Variants in PDE4D observed in about 807,000 individuals in gnomAD.
PDE4D encodes phosphodiesterase 4D, also known as 3',5'-cyclic-AMP phosphodiesterase 4D.
Under a neutral mutation model 87.4 loss-of-function variants are expected in PDE4D, and 24 were observed. The ratio of observed to expected loss-of-function variants is 0.27; its 90% CI spans 0.20 to 0.39. The LOEUF (loss-of-function observed/expected upper bound fraction) is 0.39, where lower values mean the gene tolerates loss of function less well. Among genes scored for constraint, PDE4D ranks in the 10% least tolerant of loss-of-function variants. The probability of loss-of-function intolerance (pLI) is 1.00; values close to 1 mark genes in which losing one functional copy is unlikely to be tolerated. For synonymous variants in PDE4D, 384 were observed against 383.2 expected, an observed-to-expected ratio of 1.00 and a Z score of -0.02; for missense variants, 714 against 1,041.0, an observed-to-expected ratio of 0.69 and a Z score of 4.32.
chr5:60,086,778 T>C (rs919730513), intron 2 of PDE4D, among the ~76,000 whole-genome samples: 9 of 152,346 alleles, frequency 5.9e-5, no homozygotes, highest in African/African-American at 1.4e-4. Flanking sequence ...ATGGGAACCA[T>C]TGGGTATCCC....
At chr5:59,512,777 T>G (rs1385906820) in intron 1 of PDE4D, among the ~76,000 whole-genome samples, 1 of 152,108 alleles carries the variant, frequency 6.6e-6, no homozygotes. Context: ...CAAGTACAGA[T>G]AGAGACATTT....
intron 5 of PDE4D, among the ~76,000 whole-genome samples, chr5:59,104,586 T>G (rs1158840011): frequency 1.3e-5 from 2 of 152,110 alleles, no homozygotes; most frequent in Non-Finnish European, 2.9e-5. Context: ...GCAAGGAAAC[T>G]GCTTAAGAAA....
intron 1 of PDE4D, among the ~76,000 whole-genome samples, chr5:59,246,200 A>T (rs1378113570): frequency 6.6e-6 from 1 of 152,090 alleles, no homozygotes; most frequent in African/African-American, 2.4e-5. Flanking sequence ...TTTGAAGGAC[A>T]CAATGACATC....
chr5:60,476,231 A>G (rs1237544870), intron 1 of PDE4D, among the ~76,000 whole-genome samples: 2 of 152,222 alleles, frequency 1.3e-5, no homozygotes, highest in Non-Finnish European at 2.9e-5. Context: ...TGCATGTGAC[A>G]TAGCACCTAA....
chr5:59,354,538 T>C (rs1174671596), intron 1 of PDE4D, among the ~76,000 whole-genome samples: 1 of 152,174 alleles, frequency 6.6e-6, no homozygotes, highest in Non-Finnish European at 1.5e-5. Flanking sequence ...TGACTCATGG[T>C]GCATTTGAGG....
chr5:60,186,336 T>G (rs1300426302), intron 1 of PDE4D, among the ~76,000 whole-genome samples: 5 of 152,160 alleles, frequency 3.3e-5, no homozygotes, highest in African/African-American at 1.2e-4. Flanking sequence ...CCAGAGTAAT[T>G]GCCACTTGAA....
intron 1 of PDE4D, among the ~76,000 whole-genome samples, chr5:59,402,890 G>A (rs1790921610): frequency 6.6e-6 from 1 of 151,676 alleles, no homozygotes; most frequent in Non-Finnish European, 1.5e-5. Context: ...TCCCATTACA[G>A]TTATATAACA....
Position 59,209,252 on chromosome 5 carries a change from C to T in PDE4D, c.647+6525G>A, listed in dbSNP as rs184466946. On this transcript the variant is annotated intron_variant, in intron 2 of 14. Coordinates refer to ENST00000340635, the MANE Select transcript of PDE4D (RefSeq NM_001104631.2). ...CCAGGCTGGAGTGCAGTGGCTCAAT[C>T]GTGGCTCACTACAACCTCAACATCC... Among the ~76,000 whole-genome samples the T allele has an allele frequency of 6.9e-3, 1,043 of 152,108 alleles. 8 individuals carry two copies. Among genetic ancestry groups the T allele is most frequent in the Middle Eastern group, 0.031 (9 of 294 alleles).
chr5:59,301,462 T>A (rs2153560406), intron 1 of PDE4D, among the ~76,000 whole-genome samples: 1 of 152,262 alleles, frequency 6.6e-6, no homozygotes, highest in South Asian at 2.1e-4. Flanking sequence ...TATTTTAACG[T>A]GTAGAGATGA....
At chr5:59,539,910 G>A (rs996987550) in intron 1 of PDE4D, among the ~76,000 whole-genome samples, 1 of 152,074 alleles carries the variant, frequency 6.6e-6, no homozygotes, top group Non-Finnish European at 1.5e-5. Context: ...GTCATTTTAA[G>A]AGAAACAGAA....
chr5:59,479,697 CAT>C (rs1803918704), intron 1 of PDE4D, among the ~76,000 whole-genome samples: 1 of 152,058 alleles, frequency 6.6e-6, no homozygotes, highest in Non-Finnish European at 1.5e-5. Flanking sequence ...GTTGAATATA[CAT>C]ATATGTGTAT....
At chr5:59,424,743 T>C (rs1278377172) in intron 1 of PDE4D, among the ~76,000 whole-genome samples, 4 of 152,112 alleles carry the variant, frequency 2.6e-5, no homozygotes, top group Non-Finnish European at 5.9e-5. Flanking sequence ...TAATTAAAGA[T>C]GAGATGTGGG....
intron 2 of PDE4D, among the ~76,000 whole-genome samples, chr5:59,206,739 A>G (rs1314556411): frequency 6.6e-6 from 1 of 152,182 alleles, no homozygotes; most frequent in Non-Finnish European, 1.5e-5. Context: ...TATTTTCCAA[A>G]CGAGTAAAAC....
chr5:59,444,887 G>A (rs2153637720), intron 1 of PDE4D, among the ~76,000 whole-genome samples: 1 of 152,250 alleles, frequency 6.6e-6, no homozygotes, highest in Non-Finnish European at 1.5e-5. Context: ...TTCAGATGGG[G>A]CAAGCATTCT....
chr5:59,398,473 CA>C (rs1394504059), intron 1 of PDE4D, among the ~76,000 whole-genome samples: 3 of 132,556 alleles, frequency 2.3e-5, no homozygotes, highest in Admixed American at 2.3e-4. Context: ...GAGCCAAAGA[CA>C]AAAACCACAT....
intron 1 of PDE4D, among the ~76,000 whole-genome samples, chr5:59,400,612 T>A (rs1373015345): frequency 6.8e-6 from 1 of 146,342 alleles, no homozygotes; most frequent in Non-Finnish European, 1.5e-5. Flanking sequence ...AGGGATAGCA[T>A]TGGGAGATAT....
chr5:58,983,216 G>A (rs1448646343), intron 11 of PDE4D, among the ~76,000 whole-genome samples: 3 of 152,324 alleles, frequency 2.0e-5, no homozygotes, highest in East Asian at 1.9e-4. Context: ...TGCGTATCAC[G>A]CAGAACCATC....
At chr5:60,023,514 C>A (rs1766297446) in intron 2 of PDE4D, among the ~76,000 whole-genome samples, 1 of 152,090 alleles carries the variant, frequency 6.6e-6, no homozygotes, top group Admixed American at 6.6e-5. Context: ...CTAACAATGT[C>A]TTTTAAGCCT....
chr5:60,299,786 T>G (rs1753730562), intron 1 of PDE4D, among the ~76,000 whole-genome samples: 2 of 152,254 alleles, frequency 1.3e-5, no homozygotes, highest in Admixed American at 1.3e-4. Flanking sequence ...CATATTTTCT[T>G]TATCCAGTCT....
Sources: allele counts gnomAD v4.1 joint callset (sites outside exome capture counted in the v4.1 genomes callset), GRCh38; gene constraint gnomAD v4.1.1; transcripts MANE v1.5; gene names NCBI Gene and HGNC (gene_info 2026-07-23, HGNC 2026-07-21).